F2R: variants seen among roughly 807,000 people sequenced by gnomAD.
F2R encodes coagulation factor II thrombin receptor, also known as proteinase-activated receptor 1.
A neutral mutation model predicts 18.3 loss-of-function variants in F2R; 12 were observed. The ratio of observed to expected loss-of-function variants is 0.66; its 90% confidence interval spans 0.42 to 1.06. The LOEUF is 1.06. F2R is among the 50% of genes least tolerant of loss of function. The pLI is 0.00. For missense variants in F2R, 438 were observed against 530.8 expected (o/e 0.83, Z 1.72); for synonymous variants, 210 against 219.9 (o/e 0.95, Z 0.40).
intron 1 of F2R, among the ~76,000 whole-genome samples, chr5:76,731,422 C>T (rs752594717): frequency 6.6e-6 from 1 of 151,346 alleles, no homozygotes; most frequent in Non-Finnish European, 1.5e-5. Context: ...TGCGGTGAGC[C>T]GAGATCGCGC....
rs1182944729 is a variant in F2R, at chr5:76,732,918, C to T, written c.693C>T (p.Ile231=). ...GTCTGGCCATCTGGGCTTTGGCCAT[C>T]GCAGGGGTAGTGCCTCTGCTCCTCA... ...FTCLAIWALA[I]AGVVPLLLKE... is the part of the protein sequence containing the mutation. Residue 231 remains isoleucine, a synonymous_variant, in exon 2 of 2, where the codon ATC becomes ATT. Coordinates refer to ENST00000319211, the MANE Select transcript of F2R (RefSeq NM_001992.5). 3 of 1,614,042 alleles carry T rather than the reference C, an allele frequency of 1.9e-6. No homozygotes were observed. Among genetic ancestry groups the T allele is most frequent in the Non-Finnish European group, 2.5e-6 (3 of 1,180,052 alleles).
intron 1 of F2R, among the ~76,000 whole-genome samples, chr5:76,722,975 T>C (rs1340110947): frequency 6.6e-6 from 1 of 152,038 alleles, no homozygotes; most frequent in East Asian, 1.9e-4. Flanking sequence ...GAATTTTGTC[T>C]TTAATTCTGC....
At chr5:76,716,438 C>T (rs1580886567) in intron 1 of F2R, 43 bp downstream of exon 1, 1 of 1,365,962 alleles carries the variant, frequency 7.3e-7, no homozygotes, top group East Asian at 2.9e-5. Context: ...GGAGGGACGC[C>T]GAGGGGAGAC....
chr5:76,727,905 A>G (rs1331715145), intron 1 of F2R, among the ~76,000 whole-genome samples: 1 of 99,414 alleles, frequency 1.0e-5, no homozygotes, highest in Non-Finnish European at 2.0e-5. Flanking sequence ...TTTTTTTTTT[A>G]GAGACAGAGT....
At position 76,735,228 on chromosome 5, in the gene F2R, C is replaced by G. The variant is rs1447630755; in HGVS notation, c.*1725C>G. The G allele has an allele frequency of 6.6e-6, 1 of 152,206 alleles. No homozygotes were observed. 9.4% of individuals were successfully genotyped at this position (152,206 alleles called of 1,614,324 possible). Reference sequence around the variant, plus strand: ...GTGGCTCACGCCTGTAATCCCAGCACTTTGGGAGGCTGAGGCGGGTGGATC... The same window carrying G: ...GTGGCTCACGCCTGTAATCCCAGCAGTTTGGGAGGCTGAGGCGGGTGGATC... On this transcript the variant is annotated 3_prime_UTR_variant, in exon 2 of 2. Transcript: ENST00000319211.
At chr5:76,725,148 C>G (rs994001851) in intron 1 of F2R, among the ~76,000 whole-genome samples, 2 of 152,148 alleles carry the variant, frequency 1.3e-5, no homozygotes, top group Middle Eastern at 3.2e-3. Flanking sequence ...GGTATAAATC[C>G]CAGGATCAAA....
Position 76,732,787 on chromosome 5 carries a change from G to A in F2R, c.562G>A (p.Ala188Thr), listed in dbSNP as rs746379887. The A allele has an allele frequency of 1.2e-6, 2 of 1,614,136 alleles. No individual in the cohort carries two copies. Among genetic ancestry groups the A allele is most frequent in the South Asian group, 1.1e-5 (1 of 91,084 alleles). ...TGCAGCATTTTACTGTAACATGTAC[G>A]CCTCTATCTTGCTCATGACAGTCAT... Reference protein sequence around the residue: ...VTAAFYCNMYASILLMTVISI... With the variant: ...VTAAFYCNMYTSILLMTVISI... Residue 188 changes from alanine (A) to threonine (T), a missense_variant, in exon 2 of 2, where the codon GCC (alanine) becomes ACC (threonine). Coordinates refer to ENST00000319211, the MANE Select transcript of F2R (RefSeq NM_001992.5).
Position 76,729,853 on chromosome 5 carries a change from C to T in F2R, c.89-2461C>T, listed in dbSNP as rs143060950. ...GTAGGAGATGATTGAATCATGGAGA[C>T]GGGTCTTTCCTGTGTTGTTGTCATG... is the stretch of plus-strand genomic sequence containing the variant. On this transcript the variant is annotated intron_variant, in intron 1 of 1. Transcript: ENST00000319211. Among the ~76,000 whole-genome samples the T allele has an allele frequency of 2.2e-4, 34 of 152,218 alleles. No homozygotes were observed. The East Asian group carries it at 2.3e-3, about 10-fold the overall frequency.
intron 1 of F2R, among the ~76,000 whole-genome samples, chr5:76,726,824 T>G (rs896002178): frequency 1.3e-5 from 2 of 152,242 alleles, no homozygotes; most frequent in African/African-American, 2.4e-5. Flanking sequence ...CCAGAAGCCA[T>G]TCATTCTTTT....
At chr5:76,721,496 C>T (rs186056168) in intron 1 of F2R, among the ~76,000 whole-genome samples, 9 of 152,232 alleles carry the variant, frequency 5.9e-5, no homozygotes, top group Admixed American at 5.2e-4. Context: ...AAGTAAGTGG[C>T]CTTTTGAAAC....
intron 1 of F2R, among the ~76,000 whole-genome samples, chr5:76,722,038 C>T (rs1580889761): frequency 6.6e-6 from 1 of 152,196 alleles, no homozygotes; most frequent in South Asian, 2.1e-4. Context: ...AGGAAGAGTT[C>T]TGTTTTCCTG....
Position 76,726,794 on chromosome 5 carries a change from T to TA in F2R, c.89-5511dup, listed in dbSNP as rs201410938. Among the ~76,000 whole-genome samples, 922 of 151,664 alleles carry TA rather than the reference T, an allele frequency of 6.1e-3. 2 individuals carry two copies. Among genetic ancestry groups the TA allele is most frequent in the Admixed American group, 9.5e-3 (145 of 15,208 alleles). ...AACCACAAACAAAAAAAATTAAAAA[T>TA]AAAAAAAAATGTTTAAGTGCCAGAA... is the stretch of plus-strand genomic sequence containing the variant. On this transcript the variant is annotated intron_variant, in intron 1 of 1. Coordinates refer to ENST00000319211, the MANE Select transcript of F2R (RefSeq NM_001992.5).
rs1223620819 is a variant in F2R, at chr5:76,735,077, G to A, written c.*1574G>A. 6.6e-6 allele frequency: 1 copy of A among 152,266 alleles called. No homozygotes were observed. Among genetic ancestry groups the A allele is most frequent in the Non-Finnish European group, 1.5e-5 (1 of 68,022 alleles). 9.4% of individuals were successfully genotyped at this position (152,266 alleles called of 1,614,324 possible). A position where few individuals can be genotyped will look rare whatever the true frequency, so the allele number is the denominator to read the frequency against. On this transcript the variant is annotated 3_prime_UTR_variant, in exon 2 of 2. Coordinates refer to ENST00000319211, the MANE Select transcript of F2R (RefSeq NM_001992.5). ...GTATCAAGTATAGAAAATCTTCATG[G>A]AATTCACAAAGTAATTTGGAAATTA...
chr5:76,720,956 GCCACCA>G (rs1748440760), intron 1 of F2R, among the ~76,000 whole-genome samples: 1 of 152,068 alleles, frequency 6.6e-6, no homozygotes, highest in South Asian at 2.1e-4. Flanking sequence ...ACAGGCACCT[GCCACCA>G]CGCCTGGCTA....
At chr5:76,729,684 T>C (rs1165941172) in intron 1 of F2R, among the ~76,000 whole-genome samples, 2 of 152,232 alleles carry the variant, frequency 1.3e-5, no homozygotes, top group Non-Finnish European at 2.9e-5. Flanking sequence ...TTGTATATAG[T>C]GTGAGAGAAG....
chr5:76,733,049 C>T lies in F2R; in HGVS notation c.824C>T (p.Ser275Phe), dbSNP rs1230139499. The T allele has an allele frequency of 5.6e-6, 9 of 1,614,066 alleles. No individual in the cohort carries two copies. The highest frequency in any genetic ancestry group is 4.0e-5 in the African/African-American group (3 of 74,924). Residue 275 changes from serine to phenylalanine, a missense_variant, in exon 2 of 2, where the codon TCT (serine) becomes TTT (phenylalanine). Physicochemically the swap from Ser to Phe is radical, Grantham distance 155 (BLOSUM62 -2). Transcript: ENST00000319211. Reference protein sequence around the residue: ...GYYAYYFSAFSAVFFFVPLII... With the variant: ...GYYAYYFSAFFAVFFFVPLII... Reference sequence around the variant, plus strand: ...TATGCCTACTACTTCTCAGCCTTCTCTGCTGTCTTCTTTTTTGTGCCGCTG... The same window carrying T: ...TATGCCTACTACTTCTCAGCCTTCTTTGCTGTCTTCTTTTTTGTGCCGCTG...
chr5:76,728,840 G>A (rs142125280), intron 1 of F2R, among the ~76,000 whole-genome samples: 6 of 152,162 alleles, frequency 3.9e-5, no homozygotes, highest in East Asian at 1.9e-4. Context: ...ATAGGTATGC[G>A]CTACCAAGCC....
chr5:76,726,162 G>T (rs1323830537), intron 1 of F2R, among the ~76,000 whole-genome samples: 1 of 152,130 alleles, frequency 6.6e-6, no homozygotes, highest in African/African-American at 2.4e-5. Context: ...GGCTGAGGTG[G>T]GTGGATCACT....
At chr5:76,720,710 T>TC (rs552397968) in intron 1 of F2R, among the ~76,000 whole-genome samples, 8 of 152,148 alleles carry the variant, frequency 5.3e-5, no homozygotes, top group Admixed American at 1.3e-4. Context: ...TTGCCTTTTT[T>TC]CTCTATGGAT....
Sources: gnomAD v4.1 joint callset for allele counts (sites outside exome capture counted in the v4.1 genomes callset) on GRCh38, gnomAD v4.1.1 for gene constraint, MANE v1.5 for transcripts, NCBI Gene and HGNC (gene_info 2026-07-23, HGNC 2026-07-21) for gene names.